The following ADK variants were observed in gnomAD, a reference collection of about 807,000 sequenced individuals.
The protein encoded by ADK is N6,N6-dimethyladenosine kinase.
In ADK, 24 loss-of-function variants were observed where a neutral mutation model predicts 44.7. That is an observed-to-expected ratio of 0.54 (90% confidence interval 0.39 to 0.76). The LOEUF (loss-of-function observed/expected upper bound fraction) is 0.76. Among genes scored for constraint, ADK ranks in the 30% least tolerant of loss-of-function variants. The pLI is 0.00. For synonymous variants in ADK, 128 were observed against 142.6 expected (o/e 0.90, Z 0.73); for missense variants, 321 against 425.1 (o/e 0.76, Z 2.15).
chr10:74,350,375 A>G (rs1373748806), intron 4 of ADK, among the ~76,000 whole-genome samples: 2 of 152,212 alleles, frequency 1.3e-5, no homozygotes, highest in Non-Finnish European at 2.9e-5. Context: ...CAATGAGAAC[A>G]AAGAGAAAAC....
intron 3 of ADK, among the ~76,000 whole-genome samples, chr10:74,238,564 C>T (rs887629625): frequency 6.6e-6 from 1 of 152,050 alleles, no homozygotes; most frequent in Non-Finnish European, 1.5e-5. Context: ...AAACACATTT[C>T]CTGACAGTAA....
At chr10:74,643,437 T>C (rs1853946154) in intron 9 of ADK, among the ~76,000 whole-genome samples, 1 of 152,208 alleles carries the variant, frequency 6.6e-6, no homozygotes, top group Non-Finnish European at 1.5e-5. Flanking sequence ...AGTTCACTAA[T>C]TCTTTTTTAA....
chr10:74,518,608 C>G lies in ADK; in HGVS notation c.556-6648C>G, dbSNP rs141803248. 2.5e-3 allele frequency among the ~76,000 whole-genome samples: 387 copies of G among 152,228 alleles called. 2 individuals are homozygous for G. Among genetic ancestry groups the G allele is most frequent in the African/African-American group, 9.1e-3 (377 of 41,526 alleles). ...ATGGTTAAATTGGGGTGAAAACTTA[C>G]GGATATTTCTTACAATTTATTTTTC... On this transcript the variant is annotated intron_variant, in intron 6 of 10. Transcript: ENST00000539909.
At chr10:74,420,923 G>GAT (rs1844534464) in intron 6 of ADK, among the ~76,000 whole-genome samples, 2 of 152,150 alleles carry the variant, frequency 1.3e-5, no homozygotes, top group African/African-American at 4.8e-5. Flanking sequence ...GGATACAAAA[G>GAT]GCAATTTTTA....
chr10:74,567,901 G>C (rs1017728553), intron 7 of ADK, among the ~76,000 whole-genome samples: 1 of 151,684 alleles, frequency 6.6e-6, no homozygotes. Context: ...GAGTTTCACC[G>C]AGTTAGCCAG....
intron 9 of ADK, among the ~76,000 whole-genome samples, chr10:74,608,526 C>T (rs1319795067): frequency 1.3e-5 from 2 of 152,098 alleles, no homozygotes; most frequent in East Asian, 3.9e-4. Flanking sequence ...GAGGTCCACT[C>T]CAGACCCTGT....
intron 4 of ADK, among the ~76,000 whole-genome samples, chr10:74,331,833 A>G (rs957127041): frequency 6.6e-6 from 1 of 151,870 alleles, no homozygotes; most frequent in Non-Finnish European, 1.5e-5. Flanking sequence ...AGTTAGCTGG[A>G]TCATATTTCT....
intron 9 of ADK, among the ~76,000 whole-genome samples, chr10:74,659,061 A>G (rs1854600043): frequency 6.6e-6 from 1 of 152,146 alleles, no homozygotes; most frequent in South Asian, 2.1e-4. Flanking sequence ...TAAAAAAAAT[A>G]AAAATAAATT....
At chr10:74,656,067 G>A (rs1033292687) in intron 9 of ADK, 14 of 440,560 alleles carry the variant, frequency 3.2e-5, no homozygotes, top group Non-Finnish European at 5.7e-5. Flanking sequence ...GATAGACCTG[G>A]GACATGTGAA....
intron 9 of ADK, among the ~76,000 whole-genome samples, chr10:74,617,701 T>G (rs925991548): frequency 3.9e-5 from 6 of 152,056 alleles, no homozygotes; most frequent in African/African-American, 1.4e-4. Flanking sequence ...GCTCAAGCAG[T>G]CCTCCCACTT....
At chr10:74,258,095 T>C (rs1392487036) in intron 3 of ADK, among the ~76,000 whole-genome samples, 1 of 152,252 alleles carries the variant, frequency 6.6e-6, no homozygotes, top group African/African-American at 2.4e-5. Context: ...GTGAGAATTA[T>C]GAGCTTTTCC....
At chr10:74,508,823 T>C (rs1024662931) in intron 6 of ADK, among the ~76,000 whole-genome samples, 1 of 152,198 alleles carries the variant, frequency 6.6e-6, no homozygotes, top group Non-Finnish European at 1.5e-5. Context: ...CTGTATTGTG[T>C]TATTTTAGAT....
chr10:74,453,291 T>G (rs1845836889), intron 6 of ADK, among the ~76,000 whole-genome samples: 2 of 152,154 alleles, frequency 1.3e-5, no homozygotes, highest in African/African-American at 4.8e-5. Flanking sequence ...ACATGCATCC[T>G]ATCTCCTTGA....
chr10:74,386,385 G>A (rs1385822018), intron 4 of ADK, among the ~76,000 whole-genome samples: 3 of 152,086 alleles, frequency 2.0e-5, no homozygotes, highest in African/African-American at 7.2e-5. Flanking sequence ...TGCCTCTTGG[G>A]CATCATTGTC....
intron 6 of ADK, among the ~76,000 whole-genome samples, chr10:74,431,884 T>C (rs1396800476): frequency 6.6e-6 from 1 of 152,124 alleles, no homozygotes; most frequent in Non-Finnish European, 1.5e-5. Flanking sequence ...CAAAAGGCTT[T>C]CTGAGCTCTT....
intron 6 of ADK, among the ~76,000 whole-genome samples, chr10:74,403,795 A>C (rs1174186794): frequency 6.6e-6 from 1 of 152,106 alleles, no homozygotes; most frequent in Non-Finnish European, 1.5e-5. Flanking sequence ...CTCAGTTGGA[A>C]ATGCAGAAAT....
At chr10:74,311,040 T>C (rs1167532862) in intron 3 of ADK, among the ~76,000 whole-genome samples, 1 of 152,188 alleles carries the variant, frequency 6.6e-6, no homozygotes, top group Admixed American at 6.5e-5. Context: ...TACAAAACAG[T>C]TTATATGCTT....
intron 6 of ADK, among the ~76,000 whole-genome samples, chr10:74,459,636 G>C (rs1453580829): frequency 6.8e-6 from 1 of 147,420 alleles, no homozygotes; most frequent in Non-Finnish European, 1.5e-5. Flanking sequence ...GGCTGAGGCA[G>C]GAAAATCGCT....
intron 7 of ADK, chr10:74,529,274 TAAG>T (rs1179044538): frequency 1.3e-5 from 2 of 152,178 alleles, no homozygotes; most frequent in African/African-American, 4.8e-5. Context: ...TTGGATTTTC[TAAG>T]AAGAATTCCA....
Sources: gnomAD v4.1 joint callset for allele counts (sites outside exome capture counted in the v4.1 genomes callset) on GRCh38, gnomAD v4.1.1 for gene constraint, MANE v1.5 for transcripts, NCBI Gene and HGNC (gene_info 2026-07-23, HGNC 2026-07-21) for gene names.